Variants in MARCHF7 observed in about 807,000 individuals in gnomAD.
The protein encoded by MARCHF7 is membrane associated ring-CH-type finger 7.
MARCHF7 carries 20 observed loss-of-function variants against 76.5 expected under a neutral mutation model. That is an observed-to-expected ratio of 0.26 (90% CI 0.18 to 0.38). The LOEUF is 0.38. Among genes scored for constraint, MARCHF7 ranks in the 10% least tolerant of loss-of-function variants. The pLI, the probability that MARCHF7 is intolerant of heterozygous loss-of-function variation, is 1.00. For synonymous variants in MARCHF7, 295 were observed against 293.0 expected, an observed-to-expected ratio of 1.01 and a Z score of -0.07; for missense variants, 797 against 812.9, an observed-to-expected ratio of 0.98 and a Z score of 0.24.
chr2:159,727,463 C>T (rs537052467), intron 3 of MARCHF7, among the ~76,000 whole-genome samples: 14 of 152,144 alleles, frequency 9.2e-5, no homozygotes, highest in Non-Finnish European at 2.1e-4. Flanking sequence ...TGGCGGGAGC[C>T]TGTAGTCCCA....
At chr2:159,718,816 G>A (rs1701311070) in intron 3 of MARCHF7, among the ~76,000 whole-genome samples, 1 of 152,024 alleles carries the variant, frequency 6.6e-6, no homozygotes, top group East Asian at 1.9e-4. Flanking sequence ...ATAAGTTTGT[G>A]GGAAGAGTGC....
At chr2:159,732,234 A>G (rs1018474171) in intron 4 of MARCHF7, among the ~76,000 whole-genome samples, 5 of 152,208 alleles carry the variant, frequency 3.3e-5, no homozygotes, top group African/African-American at 4.8e-5. Flanking sequence ...ATTTTCATGT[A>G]TTTAAGTACC....
chr2:159,745,621 A>G, intron 5 of MARCHF7, 149 bp from the exon 6 acceptor site: 1 of 508,630 alleles, frequency 2.0e-6, no homozygotes. Flanking sequence ...GTGCCACTAC[A>G]CTCCAGCCTG....
At chr2:159,767,215 T>G in intron 11 of MARCHF7, 69 bp from the exon 12 acceptor site, 1 of 1,116,884 alleles carries the variant, frequency 9.0e-7, no homozygotes, top group Non-Finnish European at 1.3e-6. Flanking sequence ...CTGTTCTGGC[T>G]TCATATTTAC....
At chr2:159,732,659 C>T (rs553362388) in intron 4 of MARCHF7, among the ~76,000 whole-genome samples, 15 of 152,130 alleles carry the variant, frequency 9.9e-5, no homozygotes, top group Admixed American at 3.3e-4. Flanking sequence ...ACTACAGATG[C>T]GCAGCCCCCT....
At chr2:159,730,830 G>C (rs965381663) in intron 4 of MARCHF7, among the ~76,000 whole-genome samples, 1 of 152,158 alleles carries the variant, frequency 6.6e-6, no homozygotes, top group African/African-American at 2.4e-5. Context: ...CTAGAGAGGA[G>C]TCATGTTTCA....
At chr2:159,724,538 C>A (rs1701957931) in intron 3 of MARCHF7, among the ~76,000 whole-genome samples, 1 of 152,092 alleles carries the variant, frequency 6.6e-6, no homozygotes, top group South Asian at 2.1e-4. Flanking sequence ...GTTCTGCTTT[C>A]CAGGAGGTTT....
chr2:159,742,057 T>C (rs1380489883), intron 4 of MARCHF7, among the ~76,000 whole-genome samples: 1 of 152,180 alleles, frequency 6.6e-6, no homozygotes, highest in African/African-American at 2.4e-5. Context: ...TTTTAATGCA[T>C]TGTAGTGAGT....
In MARCHF7 at chr2:159,768,967, C is replaced by T. The variant is rs191495190; in HGVS notation, c.*1625C>T. The T allele has an allele frequency of 6.6e-6, 1 of 152,232 alleles. No homozygotes were observed. Among genetic ancestry groups the T allele is most frequent in the African/African-American group, 2.4e-5 (1 of 41,556 alleles). 9.4% of individuals were successfully genotyped at this position (152,232 alleles called of 1,614,324 possible). On this transcript the variant is annotated 3_prime_UTR_variant, in exon 12 of 12. Coordinates refer to ENST00000409175, the MANE Select transcript of MARCHF7 (RefSeq NM_001282805.2). ...ATTAAATGCTAAATGACAGTGATAA[C>T]AATGGCTTAAGCTTTACAGTATTCT...
chr2:159,731,443 G>C (rs1301058074), intron 4 of MARCHF7, among the ~76,000 whole-genome samples: 7 of 152,174 alleles, frequency 4.6e-5, no homozygotes, highest in Admixed American at 1.3e-4. Flanking sequence ...ACTTGTTAAT[G>C]TTGTAGATTA....
In MARCHF7 at chr2:159,768,286, A is replaced by G. The variant is rs1707999977; in HGVS notation, c.*944A>G. On this transcript the variant is annotated 3_prime_UTR_variant, in exon 12 of 12. Transcript: ENST00000409175. ...TTCTGAGCATTTATTTGATGACTTA[A>G]TATTTTTCACTACCTTTGGAGAACA... The G allele has an allele frequency of 6.6e-6, 1 of 152,548 alleles. No homozygotes were observed. Among genetic ancestry groups the G allele is most frequent in the African/African-American group, 2.4e-5 (1 of 41,444 alleles). 9.4% of individuals were successfully genotyped at this position (152,548 alleles called of 1,614,324 possible).
At position 159,764,212 on chromosome 2, in the gene MARCHF7, TTGTGTGTGTGTGTG is replaced by T. The variant is rs377705664; in HGVS notation, c.2008-383_2008-370del. Among the ~76,000 whole-genome samples the T allele has an allele frequency of 5.5e-4, 76 of 138,642 alleles. 1 individual carries two copies. Among genetic ancestry groups the T allele is most frequent in the East Asian group, 2.3e-3 (11 of 4,720 alleles). 91.0% of individuals were successfully genotyped at this position (138,642 alleles called of 152,430 possible). The stretch of plus-strand genomic sequence containing the variant: ...AGGAAAATATTGGTTCTTGGGAGTT[TTGTGTGTGTGTGTG>T]TGTGTGTGTGTGTGTGTGTGTGTGT... On this transcript the variant is annotated intron_variant, in intron 10 of 11. Coordinates refer to ENST00000409175, the MANE Select transcript of MARCHF7 (RefSeq NM_001282805.2).
intron 7 of MARCHF7, among the ~76,000 whole-genome samples, chr2:159,751,282 C>T (rs1329501012): frequency 1.3e-5 from 2 of 152,156 alleles, no homozygotes; most frequent in Admixed American, 6.5e-5. Flanking sequence ...AATTAAAAAG[C>T]AGCATTTGGT....
intron 4 of MARCHF7, among the ~76,000 whole-genome samples, chr2:159,737,780 C>T (rs985852088): frequency 6.6e-6 from 1 of 152,046 alleles, no homozygotes; most frequent in Non-Finnish European, 1.5e-5. Flanking sequence ...AGAGCTGAGA[C>T]CCTGTCTCAA....
At chr2:159,761,406 CTTTTTTTTTTTTTTT>C (rs747902045) in intron 9 of MARCHF7, among the ~76,000 whole-genome samples, 1 of 73,778 alleles carries the variant, frequency 1.4e-5, no homozygotes, top group African/African-American at 5.4e-5. Context: ...TGAATCATTT[CTTTTTTTTTTTTTTT>C]TTTTTTTTTT....
At chr2:159,763,431 A>G (rs1271891481) in intron 10 of MARCHF7, among the ~76,000 whole-genome samples, 1 of 152,228 alleles carries the variant, frequency 6.6e-6, no homozygotes, top group African/African-American at 2.4e-5. Context: ...TTAAGTGTCC[A>G]TATTACAAAG....
rs571602072 is a variant in MARCHF7 at position 159,721,063 on chromosome 2, C to T, written c.-15+5297C>T. Among the ~76,000 whole-genome samples the T allele has an allele frequency of 1.6e-3, 237 of 149,204 alleles. 1 individual carries two copies. Among genetic ancestry groups the T allele is most frequent in the Admixed American group, 3.1e-3 (47 of 14,950 alleles). On this transcript the variant is annotated intron_variant, in intron 3 of 11. Coordinates refer to ENST00000409175, the MANE Select transcript of MARCHF7 (RefSeq NM_001282805.2). ...TCTGTATTTTTAGTAGAGGCGGTTT[C>T]GCCATGTTGGCCAGGCTGGTCTTGA...
At chr2:159,721,076 A>AG (rs1391275733) in intron 3 of MARCHF7, among the ~76,000 whole-genome samples, 3 of 148,288 alleles carry the variant, frequency 2.0e-5, no homozygotes, top group African/African-American at 7.6e-5. Context: ...CATGTTGGCC[A>AG]GGCTGGTCTT....
intron 4 of MARCHF7, among the ~76,000 whole-genome samples, chr2:159,729,573 C>G (rs886926420): frequency 2.0e-5 from 3 of 151,208 alleles, no homozygotes; most frequent in Non-Finnish European, 4.4e-5. Context: ...CTTGGGAGGC[C>G]GAAGAGGGAG....
Sources: gnomAD v4.1 joint callset for allele counts (sites outside exome capture counted in the v4.1 genomes callset) on GRCh38, gnomAD v4.1.1 for gene constraint, MANE v1.5 for transcripts, NCBI Gene and HGNC (gene_info 2026-07-23, HGNC 2026-07-21) for gene names.